Variants in CMIP observed in about 807,000 individuals in gnomAD.
CMIP encodes c-Maf inducing protein.
In CMIP, 13 loss-of-function variants were observed where a neutral mutation model predicts 97.3. The ratio of observed to expected loss-of-function variants is 0.13; its 90% CI spans 0.09 to 0.21. The LOEUF (loss-of-function observed/expected upper bound fraction) is 0.21. CMIP is among the 10% of genes least tolerant of loss of function. The pLI, the probability that CMIP is intolerant of heterozygous loss-of-function variation, is 1.00. For missense variants in CMIP, 847 were observed against 1,024.9 expected (o/e 0.83, Z 2.37); for synonymous variants, 538 against 436.3 (o/e 1.23, Z -2.91).
chr16:81,706,662 A>G (rs1202855589), intron 19 of CMIP, among the ~76,000 whole-genome samples: 2 of 152,216 alleles, frequency 1.3e-5, no homozygotes, highest in Admixed American at 1.3e-4. Flanking sequence ...CGGGGGGACC[A>G]TCCGGGGTTC....
chr16:81,699,185 C>T (rs2151093021), intron 14 of CMIP, among the ~76,000 whole-genome samples: 1 of 152,214 alleles, frequency 6.6e-6, no homozygotes, highest in African/African-American at 2.4e-5. Context: ...ACCCAAGCGG[C>T]AGAGGTTGCA....
At chr16:81,472,848 CATCTGT>C (rs1053564662) in intron 1 of CMIP, among the ~76,000 whole-genome samples, 13 of 152,290 alleles carry the variant, frequency 8.5e-5, no homozygotes, top group African/African-American at 3.1e-4. Context: ...CACATCGTGG[CATCTGT>C]GGTGATCTGC....
At chr16:81,463,647 C>T (rs1248295883) in intron 1 of CMIP, among the ~76,000 whole-genome samples, 1 of 152,190 alleles carries the variant, frequency 6.6e-6, no homozygotes, top group Non-Finnish European at 1.5e-5. Flanking sequence ...ATTTCTCAGG[C>T]ACCTATGATG....
rs764770410 is a variant in CMIP, at chr16:81,678,422, G to A, written c.1182G>A (p.Ser394=). The A allele has an allele frequency of 9.0e-5, 144 of 1,593,892 alleles. No homozygotes were observed. Among genetic ancestry groups the A allele is most frequent in the Non-Finnish European group, 1.1e-4 (133 of 1,171,176 alleles). The change falls in exon 10 of 21, where the codon TCG becomes TCA. Residue 394 remains serine (S), a synonymous_variant. Coordinates refer to ENST00000537098, the MANE Select transcript of CMIP (RefSeq NM_198390.3). ...CGCTGTCTGAGGCCCGGCTCAAGTCGGTGGTCGTGGCCTCCAGTGAGATCC... is the reference window on the plus strand; with the variant it reads ...CGCTGTCTGAGGCCCGGCTCAAGTCAGTGGTCGTGGCCTCCAGTGAGATCC... ...EATLSEARLK[S]VVVASSEIHV...
chr16:81,457,971 C>T (rs182108766), intron 1 of CMIP, among the ~76,000 whole-genome samples: 4 of 152,362 alleles, frequency 2.6e-5, no homozygotes, highest in East Asian at 3.9e-4. Flanking sequence ...TCCCTGCCTT[C>T]GCCCTGATGA....
intron 1 of CMIP, among the ~76,000 whole-genome samples, chr16:81,485,871 C>T (rs1398026454): frequency 1.3e-5 from 2 of 152,178 alleles, no homozygotes; most frequent in Non-Finnish European, 2.9e-5. Flanking sequence ...ACCACGTGGC[C>T]TGCTTGGACC....
chr16:81,574,370 G>C (rs551089352), intron 1 of CMIP, among the ~76,000 whole-genome samples: 12 of 152,358 alleles, frequency 7.9e-5, no homozygotes, highest in African/African-American at 2.6e-4. Context: ...AGTCCTGCTG[G>C]CTGGCAGGAG....
intron 1 of CMIP, among the ~76,000 whole-genome samples, chr16:81,578,001 A>G (rs1377402112): frequency 1.3e-5 from 2 of 151,384 alleles, no homozygotes; most frequent in East Asian, 3.9e-4. Context: ...CATCATCACC[A>G]TCACCTTCAT....
chr16:81,652,257 G>A lies in CMIP; in HGVS notation c.532G>A (p.Val178Ile). The A allele has an allele frequency of 6.2e-7, 1 of 1,613,844 alleles. No homozygotes were observed. The highest frequency in any genetic ancestry group is 8.5e-7 in the Non-Finnish European group (1 of 1,179,756). Reference sequence around the variant, plus strand: ...GAGTAACCCAAGCCGCTGGGAAGTTGTCTTGAAAGAGATCCGGACCCTGGT... The same window carrying A: ...GAGTAACCCAAGCCGCTGGGAAGTTATCTTGAAAGAGATCCGGACCCTGGT... ...VLSNPSRWEVVLKEIRTLVDM... is the reference protein window; with the variant it reads ...VLSNPSRWEVILKEIRTLVDM... The change falls in exon 4 of 21, where the codon GTC becomes ATC. Residue 178 changes from valine to isoleucine, a missense_variant. Physicochemically the swap from Val to Ile is conservative, Grantham distance 29. Around this residue, in one of 4 missense-constraint regions of CMIP, gnomAD observed 285 missense variants for 392.2 expected, o/e 0.73. Transcript: ENST00000537098. The surrounding 1 kb of genome is among the most constrained non-coding windows in gnomAD (Gnocchi z 5.2).
intron 1 of CMIP, among the ~76,000 whole-genome samples, chr16:81,546,079 A>G (rs543751943): frequency 1.3e-5 from 2 of 152,308 alleles, no homozygotes; most frequent in African/African-American, 4.8e-5. Flanking sequence ...CGAGGATGAA[A>G]GGCATTTGAT....
intron 1 of CMIP, among the ~76,000 whole-genome samples, chr16:81,552,697 G>A (rs535106222): frequency 6.6e-6 from 1 of 152,222 alleles, no homozygotes; most frequent in African/African-American, 2.4e-5. Flanking sequence ...TGCCATGTCA[G>A]ATGGCACATT....
rs778528560 is a variant in CMIP at position 81,655,982 on chromosome 16, C to T, written c.640-1793C>T. Among the ~76,000 whole-genome samples the T allele has an allele frequency of 5.3e-5, 8 of 152,116 alleles. No individual in the cohort carries two copies. The highest frequency in any genetic ancestry group is 8.8e-5 in the Non-Finnish European group (6 of 68,024). ...AGGAGAGACCAAGGCCAGGCTTCTC[C>T]CCGAAGCTGAAAAATGACTGATAGT... is the stretch of plus-strand genomic sequence containing the variant. On this transcript the variant is annotated intron_variant, in intron 4 of 20. Coordinates refer to ENST00000537098, the MANE Select transcript of CMIP (RefSeq NM_198390.3). The surrounding 1 kb of genome is among the most constrained non-coding windows in gnomAD (Gnocchi z 4.9).
chr16:81,704,197 C>A, intron 18 of CMIP, 112 bp downstream of exon 18: 2 of 782,186 alleles, frequency 2.6e-6, no homozygotes, highest in Non-Finnish European at 4.0e-6. Flanking sequence ...TCCCTGCCCC[C>A]TCCCCCTCCT....
At chr16:81,680,494 C>G (rs904291885) in intron 10 of CMIP, among the ~76,000 whole-genome samples, 1 of 152,230 alleles carries the variant, frequency 6.6e-6, no homozygotes, top group Non-Finnish European at 1.5e-5. Flanking sequence ...ATAGCCTCCT[C>G]TGCCCTGGCT....
At chr16:81,580,794 C>G (rs1323423720) in intron 1 of CMIP, among the ~76,000 whole-genome samples, 1 of 152,030 alleles carries the variant, frequency 6.6e-6, no homozygotes, top group East Asian at 2.0e-4. Context: ...GAGACTCTGT[C>G]TCAAAAACAA....
chr16:81,606,197 T>C (rs6564898), intron 1 of CMIP, among the ~76,000 whole-genome samples: 94,997 of 152,086 alleles, frequency 0.62, 30,122 homozygotes, highest in East Asian at 0.78. Flanking sequence ...GAGTTCAGTC[T>C]TGGCCATGCC....
chr16:81,603,263 A>G (rs1343384719), intron 1 of CMIP: 2 of 378,738 alleles, frequency 5.3e-6, no homozygotes, highest in African/African-American at 4.2e-5. Flanking sequence ...TAGTATTTTT[A>G]GTAGAGACGG....
intron 1 of CMIP, among the ~76,000 whole-genome samples, chr16:81,547,818 T>C (rs1413819521): frequency 6.6e-6 from 1 of 152,156 alleles, no homozygotes; most frequent in Non-Finnish European, 1.5e-5. Context: ...GACACCGAAA[T>C]TGGACACTGG....
intron 1 of CMIP, among the ~76,000 whole-genome samples, chr16:81,526,484 A>AGT (rs1366554078): frequency 1.1e-4 from 16 of 152,192 alleles, no homozygotes; most frequent in Non-Finnish European, 1.8e-4. Context: ...CAGTACCCCA[A>AGT]AGTTACAGTA....
Sources: gnomAD v4.1 joint callset for allele counts (sites outside exome capture counted in the v4.1 genomes callset) on GRCh38, gnomAD v4.1.1 for gene constraint, gnomAD v4.1.1 regional missense constraint, Gnocchi (gnomAD v3.1) non-coding constraint, MANE v1.5 for transcripts, NCBI Gene and HGNC (gene_info 2026-07-23, HGNC 2026-07-21) for gene names.